Variants in OPTN observed in about 807,000 individuals in gnomAD.
OPTN encodes E3-14.7K-interacting protein.
In OPTN, 54 loss-of-function variants were observed where a neutral mutation model predicts 70.4. The ratio of observed to expected loss-of-function variants is 0.77; its 90% confidence interval spans 0.62 to 0.96. The LOEUF (loss-of-function observed/expected upper bound fraction) is 0.96. Among genes scored for constraint, OPTN ranks in the 40% least tolerant of loss-of-function variants. The pLI is 0.00. For synonymous variants in OPTN, 256 were observed against 248.5 expected (o/e 1.03, Z -0.28); for missense variants, 624 against 673.2 (o/e 0.93, Z 0.81).
intron 1 of OPTN, among the ~76,000 whole-genome samples, chr10:13,103,098 G>C (rs1832785322): frequency 6.6e-6 from 1 of 152,266 alleles, no homozygotes; most frequent in African/African-American, 2.4e-5. Flanking sequence ...GCCATTTTCT[G>C]TATATTACTA....
intron 13 of OPTN, among the ~76,000 whole-genome samples, chr10:13,132,603 A>G (rs1490696021): frequency 6.6e-6 from 1 of 151,920 alleles, no homozygotes; most frequent in African/African-American, 2.4e-5. Context: ...TGCAGCCTCA[A>G]CTTCCTGAGC....
intron 1 of OPTN, among the ~76,000 whole-genome samples, chr10:13,105,939 A>G (rs960585400): frequency 6.6e-6 from 1 of 152,084 alleles, no homozygotes; most frequent in Non-Finnish European, 1.5e-5. Flanking sequence ...TGAGGAAAAA[A>G]ATCTTAACAG....
At chr10:13,131,930 T>C in intron 12 of OPTN, 137 bp from the exon 13 acceptor site, 1 of 804,320 alleles carries the variant, frequency 1.2e-6, no homozygotes, top group South Asian at 1.5e-5. Context: ...GTCATTATAC[T>C]GTTTTCTAGC....
chr10:13,112,525 G>C lies in OPTN; in HGVS notation c.442G>C (p.Val148Leu), dbSNP rs1199449745. The C allele has an allele frequency of 1.2e-6, 2 of 1,614,044 alleles. No homozygotes were observed. The highest frequency in any genetic ancestry group is 1.7e-6 in the Non-Finnish European group (2 of 1,180,044). ...AAAGGACCAGCTCAGGACCCAGGTGGTGAGGCTACAAGCAGAGAAGGCAGA... is the reference window on the plus strand; with the variant it reads ...AAAGGACCAGCTCAGGACCCAGGTGCTGAGGCTACAAGCAGAGAAGGCAGA... The part of the protein sequence containing the change: ...QEKDQLRTQV[V>L]RLQAEKADLL... Residue 148 changes from valine to leucine, a missense_variant, in exon 5 of 15, where the codon GTG (valine) becomes CTG (leucine). Val to Leu is a conservative substitution (Grantham distance 32, BLOSUM62 1). Coordinates refer to ENST00000378747, the MANE Select transcript of OPTN (RefSeq NM_001008212.2).
At position 13,127,659 on chromosome 10, in the gene OPTN, TA is replaced by T; in HGVS notation, c.1243-79del. ...ACCACACCCGGCCAGAGCTGATAAT[TA>T]AAAAAATAAACCTTTTTCTAATATT... On this transcript the variant is annotated intron_variant, in intron 11 of 14. Coordinates refer to ENST00000378747, the MANE Select transcript of OPTN (RefSeq NM_001008212.2). 14 of 1,445,406 alleles carry T rather than the reference TA, an allele frequency of 9.7e-6. No individual in the cohort carries two copies. In the South Asian group the frequency reaches 1.1e-4, roughly 11 times the overall value. The allele number at this position is 1,445,406 out of a possible 1,614,324, so 89.5% of individuals were successfully genotyped here.
chr10:13,129,837 T>G (rs1833555445), intron 12 of OPTN, among the ~76,000 whole-genome samples: 1 of 152,154 alleles, frequency 6.6e-6, no homozygotes, highest in Non-Finnish European at 1.5e-5. Context: ...ATGTCAGCAG[T>G]TTGTTATTCC....
rs1202268201 is a variant in OPTN at position 13,110,471 on chromosome 10, T to C, written c.364T>C (p.Ser122Pro). The C allele has an allele frequency of 6.2e-7, 1 of 1,612,366 alleles. No homozygotes were observed. Residue 122 changes from serine (S) to proline (P), a missense_variant, in exon 4 of 15, where the codon TCT becomes CCT. By Grantham distance (74) the Ser-to-Pro change is moderately conservative. Transcript: ENST00000378747. ...GKLKGKSERS[S>P]EDPTDDSRLP... ...ACTAAAAGGGAAATCAGAAAGGTCA[T>C]CTGAGGTGAGCAGACCGATCCATTG...
At position 13,119,100 on chromosome 10, in the gene OPTN, T is replaced by C; in HGVS notation, c.779+60T>C. On this transcript the variant is annotated intron_variant, in intron 7 of 14. Coordinates refer to ENST00000378747, the MANE Select transcript of OPTN (RefSeq NM_001008212.2). ...TTAAAACAGCTTTCCTGAGATATAA[T>C]TAAGATACCATACAGTTCACCCATT... The C allele has an allele frequency of 1.6e-5, 23 of 1,451,150 alleles. No individual in the cohort carries two copies. In the South Asian group the frequency reaches 2.6e-4, roughly 16 times the overall value. 89.9% of individuals were successfully genotyped at this position (1,451,150 alleles called of 1,614,324 possible).
At chr10:13,129,460 C>T (rs1290653539) in intron 12 of OPTN, among the ~76,000 whole-genome samples, 1 of 151,966 alleles carries the variant, frequency 6.6e-6, no homozygotes, top group Non-Finnish European at 1.5e-5. Context: ...TCAAGCCATT[C>T]TCCTGCCTCA....
At chr10:13,126,091 T>C (rs1338739760) in intron 11 of OPTN, 52 bp downstream of exon 11, 1 of 1,070,354 alleles carries the variant, frequency 9.3e-7, no homozygotes, top group Non-Finnish European at 1.4e-6. Context: ...CAGAAACTGT[T>C]GAACGTTTTG....
At chr10:13,119,113 C>A in intron 7 of OPTN, 73 bp downstream of exon 7, 1 of 1,320,074 alleles carries the variant, frequency 7.6e-7, no homozygotes, top group Non-Finnish European at 1.1e-6. Context: ...AGATACCATA[C>A]AGTTCACCCA....
chr10:13,119,020 A>G lies in OPTN; in HGVS notation c.759A>G (p.Ala253=), dbSNP rs147991854. The part of the protein sequence containing the change: ...GNQKVERLEV[A]LKEAKERVSD... ...AGAAGGTGGAGAGACTTGAAGTTGCACTCAAGGAGGCCAAAGAAAGGTATG... is the reference window on the plus strand; with the variant it reads ...AGAAGGTGGAGAGACTTGAAGTTGCGCTCAAGGAGGCCAAAGAAAGGTATG... Residue 253 remains alanine, a synonymous_variant, in exon 7 of 15, where the codon GCA becomes GCG. Coordinates refer to ENST00000378747, the MANE Select transcript of OPTN (RefSeq NM_001008212.2). 5.0e-6 allele frequency: 8 copies of G among 1,614,024 alleles called. No homozygotes were observed. Among genetic ancestry groups the G allele is most frequent in the Non-Finnish European group, 6.8e-6 (8 of 1,180,024 alleles).
rs539777202 is a variant in OPTN at position 13,101,148 on chromosome 10, A to C, written c.-164+846A>C. Among the ~76,000 whole-genome samples, 3 of 152,298 alleles carry C rather than the reference A, an allele frequency of 2.0e-5. No individual in the cohort carries two copies. The South Asian group carries it at 6.2e-4, about 32-fold the overall frequency. On this transcript the variant is annotated intron_variant, in intron 1 of 14. Coordinates refer to ENST00000378747, the MANE Select transcript of OPTN (RefSeq NM_001008212.2). ...CCAGTTTTGGGGCGGGGGCTGGAGA[A>C]GTCCCAGGGCAGACCCCAAGGCCAG...
At chr10:13,110,690 G>A (rs1264758584) in intron 4 of OPTN, among the ~76,000 whole-genome samples, 1 of 152,114 alleles carries the variant, frequency 6.6e-6, no homozygotes, top group African/African-American at 2.4e-5. Context: ...AATTTGTAAA[G>A]CTTTGACCGT....
chr10:13,136,608 A>G, intron 14 of OPTN, 137 bp from the exon 15 acceptor site: 1 of 980,012 alleles, frequency 1.0e-6, no homozygotes, highest in East Asian at 2.6e-5. Context: ...GTTAAAGACC[A>G]AACACCTGTG....
intron 3 of OPTN, 90 bp from the exon 4 acceptor site, chr10:13,110,184 A>C: frequency 6.4e-7 from 1 of 1,569,320 alleles, no homozygotes; most frequent in South Asian, 1.2e-5. Flanking sequence ...ATTCAGAGCC[A>C]TGTGGTCAAG....
Position 13,125,932 on chromosome 10 carries a change from A to T in OPTN, c.1149-14A>T. The T allele has an allele frequency of 6.3e-7, 1 of 1,575,792 alleles. No individual in the cohort carries two copies. The highest frequency in any genetic ancestry group is 8.7e-7 in the Non-Finnish European group (1 of 1,145,396). On this transcript the variant is annotated splice_polypyrimidine_tract_variant and intron_variant, in intron 10 of 14. Transcript: ENST00000378747. ...TTTCCCCAGGATTCCATTTTTTAAT[A>T]TCTTTTTTAATAGGTCCAAATTAAC... is the stretch of plus-strand genomic sequence containing the variant.
Position 13,133,515 on chromosome 10 carries a change from G to A in OPTN, c.1546G>A (p.Glu516Lys). ...FEDGGRQSLMEMQSRHGARTS... is the reference protein window; with the variant it reads ...FEDGGRQSLMKMQSRHGARTS... Reference sequence around the variant, plus strand: ...TCGTCCTGGCAGGCAGTCCTTGATGGAGATGCAGAGTCGTCATGGGGCGAG... The same window carrying A: ...TCGTCCTGGCAGGCAGTCCTTGATGAAGATGCAGAGTCGTCATGGGGCGAG... Residue 516 changes from glutamate to lysine, a missense_variant, in exon 14 of 15, where the codon GAG (glutamate) becomes AAG (lysine). By Grantham distance (56) the Glu-to-Lys change is moderately conservative. Coordinates refer to ENST00000378747, the MANE Select transcript of OPTN (RefSeq NM_001008212.2). The A allele has an allele frequency of 6.2e-7, 1 of 1,614,132 alleles. No homozygotes were observed.
Position 13,122,451 on chromosome 10 carries a change from A to G in OPTN, c.846A>G (p.Thr282=). ...TTGAAACCCAGACAGAGGGGAGCAC[A>G]GAGAAAGAGAATGATGAAGAGAAAG... ...SEIETQTEGS[T]EKENDEEKGP... is the part of the protein sequence containing the mutation. Residue 282 remains threonine, a synonymous_variant, in exon 8 of 15, where the codon ACA becomes ACG. Transcript: ENST00000378747. 1.9e-6 allele frequency: 3 copies of G among 1,614,104 alleles called. No individual in the cohort carries two copies. The highest frequency in any genetic ancestry group is 2.5e-6 in the Non-Finnish European group (3 of 1,179,916).
Sources: allele counts gnomAD v4.1 joint callset (sites outside exome capture counted in the v4.1 genomes callset), GRCh38; gene constraint gnomAD v4.1.1; transcripts MANE v1.5; gene names NCBI Gene and HGNC (gene_info 2026-07-23, HGNC 2026-07-21).